Variants in LIMS2 observed in about 807,000 individuals in gnomAD.
The protein encoded by LIMS2 is LIM and senescent cell antigen-like-containing domain protein 2.
Under a neutral mutation model 45.3 loss-of-function variants are expected in LIMS2, and 30 were observed. That is an observed-to-expected ratio of 0.66 (90% CI 0.50 to 0.90). The LOEUF (loss-of-function observed/expected upper bound fraction) is 0.90. LIMS2 is among the 40% of genes least tolerant of loss of function. The pLI is 0.00. For missense variants in LIMS2, 485 were observed against 468.7 expected (o/e 1.03, Z -0.32); for synonymous variants, 173 against 188.0 (o/e 0.92, Z 0.65).
Position 127,651,548 on chromosome 2 carries a change from C to T in LIMS2, c.359+2876G>A, listed in dbSNP as rs575753414. 2.2e-5 allele frequency: 36 copies of T among 1,612,612 alleles called. No homozygotes were observed. In the South Asian group the frequency reaches 3.8e-4, roughly 17 times the overall value. ...GCAGCCATGGGGCCTCCTGCGCCAC[C>T]CAGCGCATCCTGGCCCTGGCAAACC... On this transcript the variant is annotated intron_variant, in intron 4 of 9. Coordinates refer to ENST00000355119, the MANE Select transcript of LIMS2 (RefSeq NM_001161403.3).
Position 127,647,118 on chromosome 2 carries a change from G to A in LIMS2, c.360-4046C>T, listed in dbSNP as rs58188844. ...TGCCATGAGATATGCCACCCCTGCC[G>A]TCACTCAGGGCCCTGAGCCCAGTAA... On this transcript the variant is annotated intron_variant, in intron 4 of 9. Transcript: ENST00000355119. The surrounding 1 kb of genome is among the most constrained non-coding windows in gnomAD (Gnocchi z 4.3). Among the ~76,000 whole-genome samples, 2,273 of 152,258 alleles carry A rather than the reference G, an allele frequency of 0.015. 57 individuals carry two copies. The highest frequency in any genetic ancestry group is 0.051 in the African/African-American group (2,135 of 41,544).
rs1683914563 is a variant in LIMS2 at position 127,652,526 on chromosome 2, G to A, written c.359+1898C>T. Reference sequence around the variant, plus strand: ...CTGACCCAGACCCACTTCCTCCAGAGAGGCCTCTCTCCGCCTGAGCTATTT... The same window carrying A: ...CTGACCCAGACCCACTTCCTCCAGAAAGGCCTCTCTCCGCCTGAGCTATTT... On this transcript the variant is annotated intron_variant, in intron 4 of 9. Coordinates refer to ENST00000355119, the MANE Select transcript of LIMS2 (RefSeq NM_001161403.3). 2.4e-5 allele frequency: 4 copies of A among 166,986 alleles called. No homozygotes were observed. In the South Asian group the frequency reaches 8.3e-4, roughly 35 times the overall value. 10.3% of individuals were successfully genotyped at this position (166,986 alleles called of 1,614,324 possible). A position where few individuals can be genotyped will look rare whatever the true frequency, so the allele number is the denominator to read the frequency against.
At chr2:127,648,984 G>A (rs1472347265) in intron 4 of LIMS2, among the ~76,000 whole-genome samples, 1 of 24,274 alleles carries the variant, frequency 4.1e-5, no homozygotes, top group African/African-American at 1.6e-4. Context: ...GGAGGGAGGG[G>A]AGGGGAGGGA....
chr2:127,650,685 T>C, intron 4 of LIMS2: 2 of 1,498,176 alleles, frequency 1.3e-6, no homozygotes, highest in Non-Finnish European at 1.8e-6. Context: ...GATCGCAAGC[T>C]CATTGTGAAC....
chr2:127,663,052 T>G (rs1349330195), intron 1 of LIMS2, among the ~76,000 whole-genome samples: 1 of 152,250 alleles, frequency 6.6e-6, no homozygotes, highest in Admixed American at 6.5e-5. Context: ...AATAGTCACA[T>G]GCGCATGCAT....
intron 3 of LIMS2, 142 bp downstream of exon 3, chr2:127,654,688 C>T: frequency 6.8e-7 from 1 of 1,480,340 alleles, no homozygotes; most frequent in Non-Finnish European, 9.3e-7. Flanking sequence ...CTGTAGGGGG[C>T]CTGACGGCTG....
intron 4 of LIMS2, chr2:127,650,188 T>C (rs4662753): frequency 5.1e-6 from 5 of 986,346 alleles, no homozygotes; most frequent in South Asian, 1.5e-5. Context: ...CAGAAAGCGG[T>C]GACACCCCGG....
intron 1 of LIMS2, among the ~76,000 whole-genome samples, chr2:127,680,576 A>G (rs978019760): frequency 6.6e-6 from 1 of 152,230 alleles, no homozygotes; most frequent in Non-Finnish European, 1.5e-5. Flanking sequence ...ACGGCAGCTC[A>G]GTGAGAGAAG....
chr2:127,671,992 A>G lies in LIMS2; in HGVS notation c.11+3022T>C, dbSNP rs965749958. ...CCCGGAGGAGGGGCAAGATTGGTGG[A>G]TATGAGGGCAGGGATCTAGCAGCCT... On this transcript the variant is annotated intron_variant, in intron 1 of 9. Transcript: ENST00000355119. This position sits in a 1 kb window ranked among gnomAD's most constrained non-coding sequence, Gnocchi z 4.1. Among the ~76,000 whole-genome samples, 1 of 152,204 alleles carries G rather than the reference A, an allele frequency of 6.6e-6. No homozygotes were observed. Among genetic ancestry groups the G allele is most frequent in the Non-Finnish European group, 1.5e-5 (1 of 68,024 alleles).
intron 4 of LIMS2, among the ~76,000 whole-genome samples, chr2:127,649,665 G>A (rs1350578425): frequency 1.3e-5 from 2 of 152,342 alleles, no homozygotes; most frequent in East Asian, 1.9e-4. Context: ...CTTCTGAGTT[G>A]ACTAAAATCA....
chr2:127,657,971 C>T (rs539500177), intron 1 of LIMS2, among the ~76,000 whole-genome samples: 50 of 152,334 alleles, frequency 3.3e-4, no homozygotes, highest in African/African-American at 1.1e-3. Context: ...CACAGCAGAG[C>T]GGGGTCCACA....
At chr2:127,648,036 C>A in intron 4 of LIMS2, 1 of 985,896 alleles carries the variant, frequency 1.0e-6, no homozygotes, top group South Asian at 4.7e-5. Flanking sequence ...GCATCACTCA[C>A]CCCGCCTTCT....
chr2:127,668,788 C>A (rs1285839438), intron 1 of LIMS2, among the ~76,000 whole-genome samples: 2 of 148,034 alleles, frequency 1.4e-5, no homozygotes, highest in African/African-American at 2.5e-5. Flanking sequence ...ACATATACAC[C>A]CATAGAACAG....
chr2:127,665,491 A>G (rs978765990), intron 1 of LIMS2, among the ~76,000 whole-genome samples: 1 of 152,230 alleles, frequency 6.6e-6, no homozygotes, highest in African/African-American at 2.4e-5. Context: ...GACGACAAGC[A>G]TTGGGTACAG....
chr2:127,660,805 A>C (rs182630744), intron 1 of LIMS2, among the ~76,000 whole-genome samples: 1 of 152,156 alleles, frequency 6.6e-6, no homozygotes, highest in Non-Finnish European at 1.5e-5. Flanking sequence ...CTTCCGGCTC[A>C]TCTTCCAGTT....
chr2:127,659,778 G>T (rs983983023), intron 1 of LIMS2, among the ~76,000 whole-genome samples: 1 of 152,182 alleles, frequency 6.6e-6, no homozygotes, highest in African/African-American at 2.4e-5. Flanking sequence ...AGACCCCAGT[G>T]AGTGAGCACA....
At chr2:127,640,610 G>A in intron 7 of LIMS2, 2 of 599,002 alleles carry the variant, frequency 3.3e-6, no homozygotes, top group Non-Finnish European at 5.9e-6. Context: ...AGCGCCCCCT[G>A]CCTTCTGTAC....
intron 1 of LIMS2, among the ~76,000 whole-genome samples, chr2:127,660,887 T>G (rs1367352146): frequency 8.1e-5 from 10 of 123,934 alleles, no homozygotes; most frequent in African/African-American, 2.8e-4. Context: ...CATTGCTGCC[T>G]GTGGCCGACA....
At chr2:127,669,125 T>A (rs1333893156) in intron 1 of LIMS2, among the ~76,000 whole-genome samples, 1 of 151,986 alleles carries the variant, frequency 6.6e-6, no homozygotes, top group East Asian at 1.9e-4. Flanking sequence ...ATATTTGTGG[T>A]CAACTGATTT....
Sources: allele counts gnomAD v4.1 joint callset (sites outside exome capture counted in the v4.1 genomes callset), GRCh38; gene constraint gnomAD v4.1.1; non-coding constraint Gnocchi (gnomAD v3.1); transcripts MANE v1.5; gene names NCBI Gene and HGNC (gene_info 2026-07-23, HGNC 2026-07-21).